TRAPPC9: variants seen among roughly 807,000 people sequenced by gnomAD.
The protein encoded by TRAPPC9 is IKK2 binding protein.
A neutral mutation model predicts 124.0 loss-of-function variants in TRAPPC9; 83 were observed. The observed-to-expected ratio is 0.67, with a 90% CI of 0.56 to 0.80. The LOEUF (loss-of-function observed/expected upper bound fraction) is 0.80. Among genes scored for constraint, TRAPPC9 ranks in the 30% least tolerant of loss-of-function variants. TRAPPC9 has a pLI of 0.00. For synonymous variants in TRAPPC9, 638 were observed against 617.5 expected (o/e 1.03, Z -0.49); for missense variants, 1,302 against 1,508.3 (o/e 0.86, Z 2.27).
intron 20 of TRAPPC9, among the ~76,000 whole-genome samples, chr8:139,896,061 C>T (rs963099755): frequency 3.3e-5 from 5 of 152,276 alleles, no homozygotes; most frequent in Non-Finnish European, 4.4e-5. Context: ...AATTTGCTTT[C>T]GGACATGAGC....
At chr8:139,986,810 G>A (rs913732759) in intron 19 of TRAPPC9, among the ~76,000 whole-genome samples, 18 of 152,170 alleles carry the variant, frequency 1.2e-4, no homozygotes, top group African/African-American at 4.3e-4. Flanking sequence ...CCCTACTGAT[G>A]TATACAACAT....
intron 7 of TRAPPC9, among the ~76,000 whole-genome samples, chr8:140,396,938 T>G (rs2069113399): frequency 6.6e-6 from 1 of 150,774 alleles, no homozygotes; most frequent in African/African-American, 2.4e-5. Context: ...CTGCCTCAGC[T>G]CTCTTTCCCC....
intron 21 of TRAPPC9, among the ~76,000 whole-genome samples, chr8:139,833,006 CAA>C (rs1826091715): frequency 6.6e-6 from 1 of 152,098 alleles, no homozygotes; most frequent in Non-Finnish European, 1.5e-5. Context: ...GAGAAGGGTT[CAA>C]CACCCCACTG....
chr8:140,334,348 T>TTGGACTGAGCA (rs1461551747), intron 9 of TRAPPC9, among the ~76,000 whole-genome samples: 1 of 151,710 alleles, frequency 6.6e-6, no homozygotes, highest in African/African-American at 2.4e-5. Flanking sequence ...AAAGGCAATG[T>TTGGACTGAGCA]GAAATTAAAT....
At chr8:140,304,256 G>A (rs556025786) in intron 10 of TRAPPC9, among the ~76,000 whole-genome samples, 8 of 152,114 alleles carry the variant, frequency 5.3e-5, no homozygotes, top group African/African-American at 9.6e-5. Context: ...CACCACGCCC[G>A]GCTAATTTTT....
At chr8:140,208,427 G>C (rs1467402824) in intron 17 of TRAPPC9, among the ~76,000 whole-genome samples, 1 of 152,208 alleles carries the variant, frequency 6.6e-6, no homozygotes, top group African/African-American at 2.4e-5. Flanking sequence ...GGCAGCACCT[G>C]GGGGCTTATT....
upstream of TRAPPC9, chr8:140,458,318 C>A (rs867825724): frequency 6.4e-7 from 1 of 1,571,906 alleles, no homozygotes; most frequent in East Asian, 2.3e-5. Context: ...TTCACTTCCT[C>A]TGTGAAGCTC....
intron 21 of TRAPPC9, among the ~76,000 whole-genome samples, chr8:139,757,480 G>A (rs1195294751): frequency 2.0e-5 from 3 of 151,654 alleles, no homozygotes; most frequent in Non-Finnish European, 4.4e-5. Context: ...GGAGGAGCCA[G>A]GGTTTGGGGA....
intron 21 of TRAPPC9, among the ~76,000 whole-genome samples, chr8:139,845,910 C>G (rs570669168): frequency 6.6e-6 from 1 of 152,324 alleles, no homozygotes; most frequent in South Asian, 2.1e-4. Context: ...CAGATGAGAC[C>G]GGAAAGCCAG....
At position 140,206,754 on chromosome 8, in the gene TRAPPC9, T is replaced by TAC. The variant is rs1220109831; in HGVS notation, c.2556+14703_2556+14704dup. ...ACATACACACACACATACATATACA[T>TAC]ACATATATATATATATATATTTAAA... On this transcript the variant is annotated intron_variant, in intron 17 of 22. Transcript: ENST00000438773. Among the ~76,000 whole-genome samples, 12 of 149,718 alleles carry TAC rather than the reference T, an allele frequency of 8.0e-5. No individual in the cohort carries two copies. In the East Asian group the frequency reaches 1.4e-3, roughly 17 times the overall value.
intron 9 of TRAPPC9, among the ~76,000 whole-genome samples, chr8:140,347,323 G>A (rs549235644): frequency 4.2e-4 from 64 of 152,276 alleles, no homozygotes; most frequent in Admixed American, 1.6e-3. Flanking sequence ...ACACCGAAAC[G>A]ATGCTTCACA....
At chr8:140,173,014 T>C (rs936295540) in intron 17 of TRAPPC9, among the ~76,000 whole-genome samples, 1 of 152,152 alleles carries the variant, frequency 6.6e-6, no homozygotes, top group Non-Finnish European at 1.5e-5. Context: ...CCTGAGATCA[T>C]GGGGCCCTAA....
rs66515425 is a variant in TRAPPC9, at chr8:140,157,084, CT to C, written c.2556+64374del. Among the ~76,000 whole-genome samples the C allele has an allele frequency of 7.2e-3, 425 of 59,050 alleles. 48 individuals are homozygous for C. Among genetic ancestry groups the C allele is most frequent in the East Asian group, 0.029 (17 of 584 alleles). 38.7% of individuals were successfully genotyped at this position (59,050 alleles called of 152,430 possible). A position where few individuals can be genotyped will look rare whatever the true frequency, so the allele number is the denominator to read the frequency against. Reference sequence around the variant, plus strand: ...CCTCCCTTTCCATTCAAAAGCCTCCCTTTTCCATTCAGAAGCCTCCCTTTCC... The same window carrying C: ...CCTCCCTTTCCATTCAAAAGCCTCCCTTTCCATTCAGAAGCCTCCCTTTCC... On this transcript the variant is annotated intron_variant, in intron 17 of 22. Coordinates refer to ENST00000438773, the MANE Select transcript of TRAPPC9 (RefSeq NM_001160372.4).
At chr8:139,983,581 C>T (rs1837050791) in intron 19 of TRAPPC9, among the ~76,000 whole-genome samples, 1 of 152,140 alleles carries the variant, frequency 6.6e-6, no homozygotes, top group South Asian at 2.1e-4. Flanking sequence ...GGGCCTGGCA[C>T]CTCGGAGATA....
intron 5 of TRAPPC9, among the ~76,000 whole-genome samples, chr8:140,421,918 C>T (rs148216345): frequency 3.3e-4 from 42 of 125,556 alleles, no homozygotes; most frequent in Non-Finnish European, 5.5e-4. Flanking sequence ...ATTCTGCCTA[C>T]ATTCGACCAA....
chr8:140,033,519 T>C (rs1404811932), intron 17 of TRAPPC9, among the ~76,000 whole-genome samples: 3 of 150,898 alleles, frequency 2.0e-5, no homozygotes, highest in Non-Finnish European at 4.4e-5. Context: ...CAAAAAGCAC[T>C]AAACATCAAA....
At chr8:140,315,377 T>G (rs1282321756) in intron 9 of TRAPPC9, among the ~76,000 whole-genome samples, 1 of 152,070 alleles carries the variant, frequency 6.6e-6, no homozygotes, top group Admixed American at 6.6e-5. Context: ...TGTGTCAGAT[T>G]AACAAGGTCT....
At chr8:140,310,437 T>C (rs2066264536) in intron 10 of TRAPPC9, among the ~76,000 whole-genome samples, 1 of 152,244 alleles carries the variant, frequency 6.6e-6, no homozygotes, top group African/African-American at 2.4e-5. Flanking sequence ...CAACTGTTTC[T>C]TTCCGGTCTT....
intron 20 of TRAPPC9, among the ~76,000 whole-genome samples, chr8:139,892,813 TG>T (rs1830431051): frequency 6.6e-6 from 1 of 152,050 alleles, no homozygotes; most frequent in African/African-American, 2.4e-5. Context: ...TACCATGGTG[TG>T]GGCATCCCTC....
Sources: gnomAD v4.1 joint callset for allele counts (sites outside exome capture counted in the v4.1 genomes callset) on GRCh38, gnomAD v4.1.1 for gene constraint, MANE v1.5 for transcripts, NCBI Gene and HGNC (gene_info 2026-07-23, HGNC 2026-07-21) for gene names.